Variants in GUCY1A2 observed in about 807,000 individuals in gnomAD.
GUCY1A2 encodes the protein guanylate cyclase soluble subunit alpha-2.
A neutral mutation model predicts 63.5 loss-of-function variants in GUCY1A2; 27 were observed. The ratio of observed to expected loss-of-function variants is 0.43; its 90% confidence interval spans 0.31 to 0.59. The LOEUF (loss-of-function observed/expected upper bound fraction) is 0.59. Ranked by LOEUF, GUCY1A2 falls within the 20% of genes least tolerant of loss-of-function variation. The pLI, the probability that GUCY1A2 is intolerant of heterozygous loss-of-function variation, is 0.11. For synonymous variants in GUCY1A2, 364 were observed against 343.5 expected, an observed-to-expected ratio of 1.06 and a Z score of -0.66; for missense variants, 768 against 913.3, an observed-to-expected ratio of 0.84 and a Z score of 2.05.
At chr11:106,966,459 T>C (rs975999534) in intron 3 of GUCY1A2, among the ~76,000 whole-genome samples, 10 of 152,142 alleles carry the variant, frequency 6.6e-5, no homozygotes, top group Admixed American at 5.2e-4. Context: ...TTTTCGTATT[T>C]GTTACTTGTC....
intron 4 of GUCY1A2, among the ~76,000 whole-genome samples, chr11:106,889,681 T>C (rs1453906837): frequency 6.6e-6 from 1 of 152,222 alleles, no homozygotes; most frequent in Admixed American, 6.5e-5. Flanking sequence ...ATGTCTTGGC[T>C]GCTTCACCTC....
At position 106,709,334 on chromosome 11, in the gene GUCY1A2, AT is replaced by A. The variant is rs1410357403; in HGVS notation, c.1837-669del. On this transcript the variant is annotated intron_variant, in intron 6 of 7. Coordinates refer to ENST00000526355, the MANE Select transcript of GUCY1A2 (RefSeq NM_000855.3). ...ATATATATTTATATATATTATATAA[AT>A]ATATATAAATTTATATATTTTATAT... Among the ~76,000 whole-genome samples, 17 of 19,776 alleles carry A rather than the reference AT, an allele frequency of 8.6e-4. 1 individual carries two copies. The highest frequency in any genetic ancestry group is 2.3e-3 in the African/African-American group (3 of 1,312). The allele number at this position is 19,776 out of a possible 152,430, so 13.0% of individuals were successfully genotyped here.
At chr11:106,970,872 A>T (rs1211691703) in intron 3 of GUCY1A2, among the ~76,000 whole-genome samples, 3 of 149,388 alleles carry the variant, frequency 2.0e-5, no homozygotes, top group Non-Finnish European at 4.5e-5. Context: ...GTTAAATGGA[A>T]TATTTTTCAG....
chr11:106,884,303 ATCT>A (rs1268080885), intron 4 of GUCY1A2, among the ~76,000 whole-genome samples: 2 of 152,218 alleles, frequency 1.3e-5, no homozygotes, highest in Non-Finnish European at 2.9e-5. Context: ...TTCTCTGATT[ATCT>A]TGCACAGTGA....
At chr11:106,766,340 T>C (rs1470769811) in intron 6 of GUCY1A2, among the ~76,000 whole-genome samples, 1 of 152,172 alleles carries the variant, frequency 6.6e-6, no homozygotes, top group African/African-American at 2.4e-5. Context: ...ACACTGTGTG[T>C]CATGATATTA....
intron 6 of GUCY1A2, among the ~76,000 whole-genome samples, chr11:106,737,536 T>C (rs1261579402): frequency 2.0e-5 from 3 of 152,182 alleles, no homozygotes; most frequent in Non-Finnish European, 4.4e-5. Context: ...CTCCTAATGC[T>C]ACCCTTCCCC....
rs116675062 is a variant in GUCY1A2, at chr11:106,785,106, C to T, written c.1693-8524G>A. 3.6e-3 allele frequency among the ~76,000 whole-genome samples: 543 copies of T among 152,296 alleles called. 2 individuals are homozygous for T. The highest frequency in any genetic ancestry group is 0.012 in the African/African-American group (499 of 41,572). On this transcript the variant is annotated intron_variant, in intron 5 of 7. Transcript: ENST00000526355. Reference sequence around the variant, plus strand: ...ATTTTTAGATGTGGGTAGCTTTTTTCTCCAGTACAGCTTTAAATTCACAGT... The same window carrying T: ...ATTTTTAGATGTGGGTAGCTTTTTTTTCCAGTACAGCTTTAAATTCACAGT...
chr11:106,941,736 C>T lies in GUCY1A2; in HGVS notation c.488-1558G>A, dbSNP rs907934445. On this transcript the variant is annotated intron_variant, in intron 3 of 7. Transcript: ENST00000526355. The stretch of plus-strand genomic sequence containing the variant: ...TATTGTTTTTAAAATAGTCAAAGCA[C>T]ATCTAATATTCTTTAAGAGCTTACT... Among the ~76,000 whole-genome samples the T allele has an allele frequency of 5.3e-5, 8 of 152,192 alleles. No individual in the cohort carries two copies. The East Asian group carries it at 9.6e-4, about 18-fold the overall frequency.
chr11:106,956,967 C>G (rs926166265), intron 3 of GUCY1A2, among the ~76,000 whole-genome samples: 4 of 152,258 alleles, frequency 2.6e-5, no homozygotes, highest in East Asian at 1.9e-4. Context: ...ATTCTGTCCC[C>G]GAGCCTCTAG....
rs1035227845 is a variant in GUCY1A2, at chr11:106,923,788, C to A, written c.1206+15672G>T. 2.6e-5 allele frequency among the ~76,000 whole-genome samples: 4 copies of A among 151,922 alleles called. 1 individual carries two copies. The South Asian group carries it at 6.2e-4, about 24-fold the overall frequency. On this transcript the variant is annotated intron_variant, in intron 4 of 7. Coordinates refer to ENST00000526355, the MANE Select transcript of GUCY1A2 (RefSeq NM_000855.3). ...AACAGGTTATAAAATAAAATAAAAG[C>A]CTTATGAGACAAAGGTTGAGAAGTT...
In GUCY1A2 at chr11:106,687,462, A is replaced by G; in HGVS notation, c.*87T>C. 2 of 961,602 alleles carry G rather than the reference A, an allele frequency of 2.1e-6. No homozygotes were observed. The highest frequency in any genetic ancestry group is 3.3e-6 in the Non-Finnish European group (2 of 603,230). The allele number at this position is 961,602 out of a possible 1,614,324, so 59.6% of individuals were successfully genotyped here. A position where few individuals can be genotyped will look rare whatever the true frequency, so the allele number is the denominator to read the frequency against. ...CTGCTTGTTCTCAACAAAGCAATGA[A>G]AGAGACACAATCTCTTTCCACCCCC... On this transcript the variant is annotated 3_prime_UTR_variant, in exon 8 of 8. Transcript: ENST00000526355.
intron 1 of GUCY1A2, among the ~76,000 whole-genome samples, chr11:107,004,396 C>T (rs997662554): frequency 3.9e-5 from 6 of 152,144 alleles, no homozygotes; most frequent in African/African-American, 1.4e-4. Context: ...TCAATTCTGG[C>T]TCCATAGCAG....
intron 4 of GUCY1A2, among the ~76,000 whole-genome samples, chr11:106,877,832 AACAG>A (rs1859770907): frequency 2.6e-5 from 4 of 152,182 alleles, no homozygotes; most frequent in Admixed American, 2.0e-4. Flanking sequence ...CAACAGAGTA[AACAG>A]ACAAACTACA....
At chr11:106,998,858 T>C (rs754325103) in intron 1 of GUCY1A2, among the ~76,000 whole-genome samples, 2 of 152,148 alleles carry the variant, frequency 1.3e-5, no homozygotes, top group Non-Finnish European at 2.9e-5. Flanking sequence ...TCAAAAATGC[T>C]ATATATTATT....
chr11:106,770,845 A>AC (rs1864243286), intron 6 of GUCY1A2, among the ~76,000 whole-genome samples: 1 of 274 alleles, frequency 3.6e-3, no homozygotes, highest in African/African-American at 0.014. Flanking sequence ...ATTGCAAATC[A>AC]GGGAATGCTG....
At chr11:106,835,367 G>A (rs2226720) in intron 4 of GUCY1A2, among the ~76,000 whole-genome samples, 139,040 of 151,930 alleles carry the variant, frequency 0.92, 63,698 homozygotes, top group East Asian at 1. Flanking sequence ...TAAAAATACC[G>A]TAACATGTAG....
chr11:106,850,929 T>C (rs1249038970), intron 4 of GUCY1A2, among the ~76,000 whole-genome samples: 1 of 151,926 alleles, frequency 6.6e-6, no homozygotes, highest in African/African-American at 2.4e-5. Context: ...ATGTTTTCCA[T>C]AATGGCTGTA....
At chr11:106,998,797 T>TAA (rs5794514) in intron 1 of GUCY1A2, among the ~76,000 whole-genome samples, 34 of 149,876 alleles carry the variant, frequency 2.3e-4, no homozygotes, top group African/African-American at 7.1e-4. Context: ...AATAGTTCAT[T>TAA]AAAAAAAAAA....
chr11:106,930,938 T>C (rs925452348), intron 4 of GUCY1A2, among the ~76,000 whole-genome samples: 1 of 152,192 alleles, frequency 6.6e-6, no homozygotes, highest in East Asian at 1.9e-4. Context: ...AAGATATCAA[T>C]AGAAAGGATA....
Sources: gnomAD v4.1 joint callset for allele counts (sites outside exome capture counted in the v4.1 genomes callset) on GRCh38, gnomAD v4.1.1 for gene constraint, MANE v1.5 for transcripts, NCBI Gene and HGNC (gene_info 2026-07-23, HGNC 2026-07-21) for gene names.